Variants in POLN observed in about 807,000 individuals in gnomAD.
The protein encoded by POLN is DNA polymerase N.
A neutral mutation model predicts 113.5 loss-of-function variants in POLN; 108 were observed. The ratio of observed to expected loss-of-function variants is 0.95; its 90% CI spans 0.81 to 1.12. POLN has a LOEUF of 1.12. POLN is among the 50% of genes most tolerant of loss of function. POLN has a pLI of 0.00. For missense variants in POLN, 1,097 were observed against 1,077.1 expected (o/e 1.02, Z -0.26); for synonymous variants, 386 against 391.5 (o/e 0.99, Z 0.17).
At chr4:2,157,767 CAT>C (rs1732472961) in intron 15 of POLN, 89 bp downstream of exon 15, 1 of 441,256 alleles carries the variant, frequency 2.3e-6, no homozygotes, top group Non-Finnish European at 4.0e-6. Flanking sequence ...ACGATTTCAT[CAT>C]TTACTAAAAT....
At chr4:2,173,125 G>A (rs977135683) in intron 11 of POLN, among the ~76,000 whole-genome samples, 1 of 152,196 alleles carries the variant, frequency 6.6e-6, no homozygotes, top group African/African-American at 2.4e-5. Context: ...ACGATGAAAA[G>A]GCTACAAAAG....
chr4:2,155,861 G>C (rs1732410462), intron 16 of POLN, among the ~76,000 whole-genome samples: 1 of 151,638 alleles, frequency 6.6e-6, no homozygotes, highest in African/African-American at 2.4e-5. Flanking sequence ...TTTTGACAGA[G>C]TCTCGCTCTG....
At chr4:2,188,307 G>GA (rs1010252210) in intron 7 of POLN, among the ~76,000 whole-genome samples, 19 of 151,934 alleles carry the variant, frequency 1.3e-4, no homozygotes, top group Non-Finnish European at 2.4e-4. Context: ...CAATCTGAAA[G>GA]AAAAAAACAC....
chr4:2,074,676 CA>C (rs1730233952), intron 24 of POLN, among the ~76,000 whole-genome samples: 1 of 152,142 alleles, frequency 6.6e-6, no homozygotes, highest in Admixed American at 6.5e-5. Context: ...TGGCGACCAC[CA>C]CTCGAGAGTT....
At chr4:2,206,524 T>C (rs1733847650) in intron 5 of POLN, among the ~76,000 whole-genome samples, 1 of 152,156 alleles carries the variant, frequency 6.6e-6, no homozygotes, top group African/African-American at 2.4e-5. Flanking sequence ...ATATCCAGAA[T>C]CTACAATGAC....
intron 3 of POLN, among the ~76,000 whole-genome samples, chr4:2,218,132 T>A (rs941315686): frequency 1.7e-4 from 26 of 150,666 alleles, no homozygotes; most frequent in Non-Finnish European, 3.1e-4. Context: ...TGGGGAAAAA[T>A]AAAAAATAAA....
intron 19 of POLN, among the ~76,000 whole-genome samples, chr4:2,108,712 T>C (rs797018392): frequency 6.6e-5 from 10 of 152,292 alleles, no homozygotes; most frequent in Admixed American, 3.3e-4. Flanking sequence ...GTGTGATTCT[T>C]TGCGTGTTGC....
intron 9 of POLN, among the ~76,000 whole-genome samples, chr4:2,175,335 AAG>A (rs1474152930): frequency 1.3e-5 from 2 of 152,180 alleles, no homozygotes; most frequent in African/African-American, 4.8e-5. Flanking sequence ...AAGAAATAAA[AAG>A]AAATTCTGAT....
intron 16 of POLN, among the ~76,000 whole-genome samples, chr4:2,137,688 T>C (rs1731893317): frequency 6.6e-6 from 1 of 152,184 alleles, no homozygotes; most frequent in Admixed American, 6.5e-5. Context: ...TGAACACTGC[T>C]TTCCCGAGGC....
At chr4:2,148,672 CA>C (rs67970031) in intron 16 of POLN, among the ~76,000 whole-genome samples, 113,456 of 149,356 alleles carry the variant, frequency 0.76, 44,199 homozygotes, top group Non-Finnish European at 0.86. Context: ...GTCCCCCCCC[CA>C]AAAAAAAAAA....
rs145149213 is a variant in POLN, at chr4:2,181,703, G to T, written c.1022-2238C>A. 2.7e-4 allele frequency among the ~76,000 whole-genome samples: 41 copies of T among 152,262 alleles called. No homozygotes were observed. The East Asian group carries it at 7.7e-3, about 29-fold the overall frequency. On this transcript the variant is annotated intron_variant, in intron 7 of 25. Transcript: ENST00000511885. Reference sequence around the variant, plus strand: ...GTAATTCAAGATGACTTTAGGCCGGGCATGGTGGCTCATGCCTGTAATCCT... The same window carrying T: ...GTAATTCAAGATGACTTTAGGCCGGTCATGGTGGCTCATGCCTGTAATCCT...
intron 16 of POLN, among the ~76,000 whole-genome samples, chr4:2,139,104 G>A (rs1337489542): frequency 6.6e-6 from 1 of 152,164 alleles, no homozygotes; most frequent in Admixed American, 6.5e-5. Context: ...GGCAGAGGGA[G>A]AGGAGCCCCT....
chr4:2,102,749 A>G lies in POLN; in HGVS notation c.1983-6816T>C, dbSNP rs185567074. 4.6e-3 allele frequency among the ~76,000 whole-genome samples: 700 copies of G among 150,850 alleles called. 9 individuals carry two copies. The highest frequency in any genetic ancestry group is 0.016 in the African/African-American group (655 of 41,034). On this transcript the variant is annotated intron_variant, in intron 19 of 25. Transcript: ENST00000511885. ...GGCATTTTAGTCCCCACACAACTTT[A>G]CCACAGCCTCCACCAATACCTACAC... is the stretch of plus-strand genomic sequence containing the variant.
At chr4:2,169,468 G>C (rs918528954) in intron 13 of POLN, among the ~76,000 whole-genome samples, 1 of 152,126 alleles carries the variant, frequency 6.6e-6, no homozygotes, top group African/African-American at 2.4e-5. Flanking sequence ...GGAAAGTCAA[G>C]GACGACTCAC....
intron 19 of POLN, among the ~76,000 whole-genome samples, chr4:2,097,355 A>ATT (rs781235839): frequency 6.9e-6 from 1 of 144,668 alleles, no homozygotes; most frequent in Non-Finnish European, 1.5e-5. Flanking sequence ...CTCTCCTACC[A>ATT]TTTTTTTTTT....
intron 5 of POLN, among the ~76,000 whole-genome samples, chr4:2,201,599 G>C (rs542564754): frequency 8.5e-5 from 13 of 152,058 alleles, no homozygotes; most frequent in Admixed American, 2.0e-4. Flanking sequence ...AGGAAGAAGA[G>C]AAATCTAAAA....
intron 16 of POLN, among the ~76,000 whole-genome samples, chr4:2,131,869 C>T (rs901485852): frequency 3.9e-5 from 6 of 152,154 alleles, no homozygotes; most frequent in Admixed American, 6.5e-5. Flanking sequence ...GCTTCTAGCC[C>T]GTTTCAACTA....
chr4:2,086,341 T>C (rs1470150880), intron 20 of POLN, among the ~76,000 whole-genome samples: 2 of 152,132 alleles, frequency 1.3e-5, no homozygotes, highest in African/African-American at 4.8e-5. Flanking sequence ...AAAAGGACTT[T>C]GGCTGGGCAG....
intron 16 of POLN, among the ~76,000 whole-genome samples, chr4:2,138,085 C>T (rs1172051513): frequency 6.6e-6 from 1 of 152,226 alleles, no homozygotes; most frequent in Non-Finnish European, 1.5e-5. Flanking sequence ...GATCCGCCCA[C>T]CTCAGCCTCC....
Sources: gnomAD v4.1 joint callset for allele counts (sites outside exome capture counted in the v4.1 genomes callset) on GRCh38, gnomAD v4.1.1 for gene constraint, MANE v1.5 for transcripts, NCBI Gene and HGNC (gene_info 2026-07-23, HGNC 2026-07-21) for gene names.